Variants in ALDH5A1 observed in about 807,000 individuals in gnomAD.
ALDH5A1 encodes succinate-semialdehyde dehydrogenase, mitochondrial.
ALDH5A1 carries 33 observed loss-of-function variants against 54.7 expected under a neutral mutation model. The observed-to-expected ratio is 0.60, with a 90% confidence interval of 0.46 to 0.81. The LOEUF (loss-of-function observed/expected upper bound fraction) is 0.81, where lower values mean the gene tolerates loss of function less well. Among genes scored for constraint, ALDH5A1 ranks in the 30% least tolerant of loss-of-function variants. ALDH5A1 has a pLI of 0.00. For synonymous variants in ALDH5A1, 294 were observed against 292.7 expected (o/e 1.00, Z -0.05); for missense variants, 657 against 711.0 (o/e 0.92, Z 0.86).
At position 24,533,628 on chromosome 6, in the gene ALDH5A1, G is replaced by A. The variant is rs201670620; in HGVS notation, c.1524G>A (p.Lys508=). Residue 508 remains lysine (K), a synonymous_variant, in exon 10 of 10, where the codon AAG becomes AAA. Transcript: ENST00000357578. Reference sequence around the variant, plus strand: ...TGGAGTGCCCTTTTGGTGGAGTGAAGCAGTCCGGCCTTGGGCGAGAGGGGT... The same window carrying A: ...TGGAGTGCCCTTTTGGTGGAGTGAAACAGTCCGGCCTTGGGCGAGAGGGGT... ...SSVECPFGGV[K]QSGLGREGSK... is the part of the protein sequence containing the mutation. 2 of 1,614,110 alleles carry A rather than the reference G, an allele frequency of 1.2e-6. No individual in the cohort carries two copies. Among genetic ancestry groups the A allele is most frequent in the African/African-American group, 1.3e-5 (1 of 75,028 alleles).
chr6:24,531,763 T>TA (rs1375875575), intron 8 of ALDH5A1, among the ~76,000 whole-genome samples: 1 of 152,210 alleles, frequency 6.6e-6, no homozygotes, highest in Non-Finnish European at 1.5e-5. Context: ...GGCTTGCTTC[T>TA]AAAGTAGTTG....
chr6:24,507,883 A>G (rs1759387944), intron 4 of ALDH5A1, among the ~76,000 whole-genome samples: 1 of 152,112 alleles, frequency 6.6e-6, no homozygotes, highest in South Asian at 2.1e-4. Context: ...TGCATCCATC[A>G]CCTGAGCAGT....
chr6:24,526,972 G>GTATATATATATA (rs1459778389), intron 7 of ALDH5A1, among the ~76,000 whole-genome samples: 19 of 8,348 alleles, frequency 2.3e-3, no homozygotes, highest in African/African-American at 4.1e-3. Context: ...ATATGTGTGT[G>GTATATATATATA]TGTATATATA....
At chr6:24,526,889 C>A (rs62400510) in intron 7 of ALDH5A1, among the ~76,000 whole-genome samples, 1 of 120,788 alleles carries the variant, frequency 8.3e-6, no homozygotes, top group African/African-American at 3.9e-5. Context: ...TATATATATT[C>A]TATATATATA....
At chr6:24,506,641 T>G (rs1759364552) in intron 4 of ALDH5A1, among the ~76,000 whole-genome samples, 1 of 152,080 alleles carries the variant, frequency 6.6e-6, no homozygotes, top group South Asian at 2.1e-4. Flanking sequence ...AATATCAATT[T>G]TATTTGTTTT....
At chr6:24,514,617 C>A (rs935094548) in intron 4 of ALDH5A1, among the ~76,000 whole-genome samples, 1 of 151,998 alleles carries the variant, frequency 6.6e-6, no homozygotes, top group African/African-American at 2.4e-5. Context: ...GTAATCCCAG[C>A]TACTCGGAAG....
intron 5 of ALDH5A1, among the ~76,000 whole-genome samples, chr6:24,517,234 G>A (rs533308050): frequency 2.0e-5 from 3 of 152,258 alleles, no homozygotes; most frequent in African/African-American, 4.8e-5. Context: ...CGGAACTCCT[G>A]GCCTCAAGTG....
At position 24,515,102 on chromosome 6, in the gene ALDH5A1, C is replaced by CTTTTTTTT. The variant is rs4646842; in HGVS notation, c.727-53_727-46dup. The CTTTTTTTT allele has an allele frequency of 3.2e-3, 2,999 of 930,546 alleles. 3 individuals carry two copies. Among genetic ancestry groups the CTTTTTTTT allele is most frequent in the South Asian group, 8.8e-3 (514 of 58,238 alleles). 57.6% of individuals were successfully genotyped at this position (930,546 alleles called of 1,614,324 possible). ...TTAAGTATCTATTTATTTCTCTTTT[C>CTTTTTTTT]TTTTTTTTTTTTTTTTTTTCAGTTT... On this transcript the variant is annotated intron_variant, in intron 4 of 9. Transcript: ENST00000357578.
At chr6:24,506,642 T>C (rs1759364622) in intron 4 of ALDH5A1, among the ~76,000 whole-genome samples, 1 of 152,212 alleles carries the variant, frequency 6.6e-6, no homozygotes. Context: ...ATATCAATTT[T>C]ATTTGTTTTA....
At chr6:24,530,525 C>T (rs565081843) in intron 8 of ALDH5A1, among the ~76,000 whole-genome samples, 19 of 152,270 alleles carry the variant, frequency 1.2e-4, no homozygotes, top group Non-Finnish European at 2.6e-4. Context: ...TGTAATATCT[C>T]CCATGGGTTG....
intron 4 of ALDH5A1, among the ~76,000 whole-genome samples, chr6:24,507,555 A>G (rs1467192447): frequency 6.6e-6 from 1 of 152,014 alleles, no homozygotes; most frequent in Admixed American, 6.5e-5. Flanking sequence ...TACTCTAGGT[A>G]TGCAGTGTGC....
chr6:24,495,006 T>G lies in ALDH5A1; in HGVS notation c.10T>G (p.Cys4Gly), dbSNP rs200793796. The change falls in exon 1 of 10, where the codon TGC becomes GGC. Residue 4 changes from cysteine (C) to glycine (G), a missense_variant. Cys to Gly is a radical substitution (Grantham distance 159, BLOSUM62 -3). Coordinates refer to ENST00000357578, the MANE Select transcript of ALDH5A1 (RefSeq NM_001080.3). ...CGTCGTTGCCCGGGCCATGGCGACC[T>G]GCATTTGGCTGCGGAGCTGTGGGGC... MAT[C>G]IWLRSCGARR... 8,494 of 1,319,228 alleles carry G rather than the reference T, an allele frequency of 6.4e-3. 59 individuals are homozygous for G. Among genetic ancestry groups the G allele is most frequent in the Non-Finnish European group, 6.2e-3 (6,443 of 1,036,224 alleles). The allele number at this position is 1,319,228 out of a possible 1,614,324, so 81.7% of individuals were successfully genotyped here.
intron 8 of ALDH5A1, among the ~76,000 whole-genome samples, chr6:24,529,253 A>C (rs577234174): frequency 6.6e-6 from 1 of 150,732 alleles, no homozygotes; most frequent in African/African-American, 2.4e-5. Flanking sequence ...TGCAACCTCC[A>C]CCTCCTGGGT....
intron 7 of ALDH5A1, among the ~76,000 whole-genome samples, chr6:24,523,970 C>T (rs1479026864): frequency 6.7e-6 from 1 of 148,988 alleles, no homozygotes; most frequent in Non-Finnish European, 1.5e-5. Flanking sequence ...TAATATCAAA[C>T]ATCCAGTTTT....
chr6:24,533,288 C>G (rs1264936469), intron 9 of ALDH5A1, among the ~76,000 whole-genome samples: 1 of 151,908 alleles, frequency 6.6e-6, no homozygotes, highest in Non-Finnish European at 1.5e-5. Flanking sequence ...AAGAGGGTCT[C>G]GATAGGAGAT....
chr6:24,521,623 C>T (rs1581819184), intron 6 of ALDH5A1, among the ~76,000 whole-genome samples: 3 of 152,212 alleles, frequency 2.0e-5, no homozygotes, highest in African/African-American at 7.2e-5. Flanking sequence ...TAAGTTTTTC[C>T]CTTCCACATA....
chr6:24,509,437 C>G lies in ALDH5A1; in HGVS notation c.726+4452C>G, dbSNP rs567838805. On this transcript the variant is annotated intron_variant, in intron 4 of 9. Transcript: ENST00000357578. This position sits in a 1 kb window ranked among gnomAD's most constrained non-coding sequence, Gnocchi z 4.7. Reference sequence around the variant, plus strand: ...TTGATACCAATTCTTCTTTGAATGTCTGGTAGAATTCTGCTGTGAATCTGT... The same window carrying G: ...TTGATACCAATTCTTCTTTGAATGTGTGGTAGAATTCTGCTGTGAATCTGT... 6.6e-6 allele frequency among the ~76,000 whole-genome samples: 1 copy of G among 152,270 alleles called. No homozygotes were observed. The highest frequency in any genetic ancestry group is 2.1e-4 in the South Asian group (1 of 4,822).
rs975269028 is a variant in ALDH5A1, at chr6:24,503,365, A to G, written c.541A>G (p.Thr181Ala). The G allele has an allele frequency of 3.7e-6, 6 of 1,613,800 alleles. No homozygotes were observed. The highest frequency in any genetic ancestry group is 5.1e-6 in the Non-Finnish European group (6 of 1,179,992). The part of the protein sequence containing the change: ...ARRVYGDIIH[T>A]PAKDRRALVL... ...CCGTGTTTACGGAGACATTATCCACACCCCGGCAAAGGACAGGCGGGCCCT... is the reference window on the plus strand; with the variant it reads ...CCGTGTTTACGGAGACATTATCCACGCCCCGGCAAAGGACAGGCGGGCCCT... The change falls in exon 3 of 10, where the codon ACC becomes GCC. Residue 181 changes from threonine (T) to alanine (A), a missense_variant. Thr to Ala is a moderately conservative substitution (Grantham distance 58). Around this residue, in one of 2 missense-constraint regions of ALDH5A1, gnomAD observed 425 missense variants for 516.4 expected, o/e 0.82. Coordinates refer to ENST00000357578, the MANE Select transcript of ALDH5A1 (RefSeq NM_001080.3).
At chr6:24,503,475 ATAGGGAGTTGGG>A in intron 3 of ALDH5A1, 42 bp downstream of exon 3, 5 of 1,601,704 alleles carry the variant, frequency 3.1e-6, no homozygotes, top group Non-Finnish European at 4.2e-6. Flanking sequence ...GGGAGATTGG[ATAGGGAGTTGGG>A]AAACAATTCA....
Sources: allele counts gnomAD v4.1 joint callset (sites outside exome capture counted in the v4.1 genomes callset), GRCh38; gene constraint gnomAD v4.1.1; regional missense constraint gnomAD v4.1.1; non-coding constraint Gnocchi (gnomAD v3.1); transcripts MANE v1.5; gene names NCBI Gene and HGNC (gene_info 2026-07-23, HGNC 2026-07-21).